The following CNTN6 variants were observed in gnomAD, a reference collection of about 807,000 sequenced individuals.
The protein encoded by CNTN6 is contactin 6, also known as contactin-6.
In CNTN6, 137 loss-of-function variants were observed where a neutral mutation model predicts 122.8. The observed-to-expected ratio is 1.12, with a 90% CI of 0.97 to 1.29. CNTN6 has a LOEUF of 1.29. Ranked by LOEUF, CNTN6 falls within the 50% of genes most tolerant of loss-of-function variation. CNTN6 has a pLI of 0.00. For missense variants in CNTN6, 1,634 were observed against 1,223.4 expected (o/e 1.34, Z -5.01); for synonymous variants, 570 against 426.0 (o/e 1.34, Z -4.16).
chr3:1,288,925 T>C lies in CNTN6; in HGVS notation c.455-6676T>C, dbSNP rs116698752. Reference sequence around the variant, plus strand: ...GCAGATCTGCCATTTCTAATAATAATAAAATTGTAGAGGACGAAGTCATTG... The same window carrying C: ...GCAGATCTGCCATTTCTAATAATAACAAAATTGTAGAGGACGAAGTCATTG... On this transcript the variant is annotated intron_variant, in intron 5 of 22. Transcript: ENST00000446702. Among the ~76,000 whole-genome samples, 429 of 152,188 alleles carry C rather than the reference T, an allele frequency of 2.8e-3. 3 individuals carry two copies. The highest frequency in any genetic ancestry group is 9.8e-3 in the African/African-American group (406 of 41,506).
chr3:1,309,885 C>T (rs12495025), intron 7 of CNTN6, among the ~76,000 whole-genome samples: 2 of 152,036 alleles, frequency 1.3e-5, no homozygotes, highest in Admixed American at 1.3e-4. Flanking sequence ...TGTTTTAGTG[C>T]TAATATAAAT....
intron 1 of CNTN6, among the ~76,000 whole-genome samples, chr3:1,135,553 A>C: frequency 6.6e-6 from 1 of 152,198 alleles, no homozygotes; most frequent in East Asian, 1.9e-4. Context: ...TCAGAACTGC[A>C]GGGTTTTACT....
At chr3:1,390,694 A>G (rs1693998356) in intron 20 of CNTN6, among the ~76,000 whole-genome samples, 1 of 152,134 alleles carries the variant, frequency 6.6e-6, no homozygotes, top group South Asian at 2.1e-4. Flanking sequence ...GAAGAATCAA[A>G]TAGACACAAT....
chr3:1,170,715 C>A (rs2093344337), intron 2 of CNTN6, among the ~76,000 whole-genome samples: 1 of 152,084 alleles, frequency 6.6e-6, no homozygotes, highest in Non-Finnish European at 1.5e-5. Context: ...TGAATTTTTT[C>A]CTCCTTCCCT....
chr3:1,370,704 C>G (rs1708887426), intron 12 of CNTN6, among the ~76,000 whole-genome samples: 1 of 151,974 alleles, frequency 6.6e-6, no homozygotes, highest in Admixed American at 6.6e-5. Flanking sequence ...AAAAATTTAC[C>G]TGGCATGGTG....
chr3:1,400,300 T>G (rs959174939), intron 20 of CNTN6, among the ~76,000 whole-genome samples: 2 of 152,050 alleles, frequency 1.3e-5, no homozygotes, highest in Non-Finnish European at 2.9e-5. Flanking sequence ...AGCAAGTTGT[T>G]CTGCAGAAAC....
intron 8 of CNTN6, among the ~76,000 whole-genome samples, chr3:1,323,310 C>T (rs1380002247): frequency 6.6e-6 from 1 of 151,712 alleles, no homozygotes; most frequent in Non-Finnish European, 1.5e-5. Flanking sequence ...AAGATCAGAA[C>T]CTTGAAATGT....
At chr3:1,294,047 T>G (rs1195011758) in intron 5 of CNTN6, among the ~76,000 whole-genome samples, 1 of 152,168 alleles carries the variant, frequency 6.6e-6, no homozygotes, top group Non-Finnish European at 1.5e-5. Flanking sequence ...AAAAAATTCT[T>G]TTGTCATTTC....
chr3:1,137,897 C>T (rs1164398901), intron 1 of CNTN6, among the ~76,000 whole-genome samples: 3 of 152,182 alleles, frequency 2.0e-5, no homozygotes, highest in Non-Finnish European at 4.4e-5. Flanking sequence ...CTGAAATTTG[C>T]TGCCCTGAAA....
chr3:1,207,063 T>C, intron 2 of CNTN6, among the ~76,000 whole-genome samples: 1 of 152,086 alleles, frequency 6.6e-6, no homozygotes, highest in African/African-American at 2.4e-5. Flanking sequence ...CATAATTATC[T>C]CCAGAACTCC....
At chr3:1,306,412 A>G (rs1180928919) in intron 7 of CNTN6, among the ~76,000 whole-genome samples, 3 of 152,198 alleles carry the variant, frequency 2.0e-5, no homozygotes, top group Admixed American at 6.5e-5. Flanking sequence ...CTTCAAGCCA[A>G]TTATTCAGAA....
At chr3:1,120,028 T>A (rs1431521679) in intron 1 of CNTN6, among the ~76,000 whole-genome samples, 3 of 152,070 alleles carry the variant, frequency 2.0e-5, no homozygotes, top group Admixed American at 1.3e-4. Flanking sequence ...ACATTGTCAG[T>A]TTCATCCATG....
At chr3:1,272,347 C>T (rs1424027876) in intron 4 of CNTN6, among the ~76,000 whole-genome samples, 1 of 152,158 alleles carries the variant, frequency 6.6e-6, no homozygotes, top group Non-Finnish European at 1.5e-5. Context: ...CAATTTCCTC[C>T]TTCGCTAAAT....
chr3:1,109,005 T>C (rs1450420209), intron 1 of CNTN6, among the ~76,000 whole-genome samples: 1 of 152,050 alleles, frequency 6.6e-6, no homozygotes, highest in East Asian at 1.9e-4. Flanking sequence ...TTTATGTGTG[T>C]TTAGTCTGTT....
At chr3:1,172,545 G>A (rs1407634479) in intron 2 of CNTN6, among the ~76,000 whole-genome samples, 3 of 152,068 alleles carry the variant, frequency 2.0e-5, no homozygotes, top group South Asian at 2.1e-4. Flanking sequence ...AGATTGTTCC[G>A]CCCACTTTAG....
intron 5 of CNTN6, among the ~76,000 whole-genome samples, 199 bp from the exon 6 acceptor site, chr3:1,295,402 T>A (rs1170781401): frequency 6.6e-6 from 1 of 152,162 alleles, no homozygotes; most frequent in Non-Finnish European, 1.5e-5. Flanking sequence ...AGTGCCCACA[T>A]AATTTATCGT....
In CNTN6 at chr3:1,281,386, G is replaced by A. The variant is rs182464148; in HGVS notation, c.454+2878G>A. ...GTGGCCAAATTATTTTTTAAATCTCGTGTGTAAGTATTAAACAAAGCTTCT... is the reference window on the plus strand; with the variant it reads ...GTGGCCAAATTATTTTTTAAATCTCATGTGTAAGTATTAAACAAAGCTTCT... On this transcript the variant is annotated intron_variant, in intron 5 of 22. Transcript: ENST00000446702. 4.3e-3 allele frequency among the ~76,000 whole-genome samples: 650 copies of A among 151,898 alleles called. 12 individuals carry two copies. Among genetic ancestry groups the A allele is most frequent in the African/African-American group, 0.015 (628 of 41,406 alleles).
At chr3:1,246,723 G>A (rs972649687) in intron 4 of CNTN6, among the ~76,000 whole-genome samples, 1 of 151,852 alleles carries the variant, frequency 6.6e-6, no homozygotes, top group African/African-American at 2.4e-5. Context: ...TTTTGCAGGG[G>A]GATAGTAAAA....
chr3:1,224,312 G>A (rs1482707533), intron 3 of CNTN6, among the ~76,000 whole-genome samples: 1 of 152,116 alleles, frequency 6.6e-6, no homozygotes. Context: ...AGGGTGAGAA[G>A]TGACCTTTAG....
Sources: allele counts gnomAD v4.1 joint callset (sites outside exome capture counted in the v4.1 genomes callset), GRCh38; gene constraint gnomAD v4.1.1; transcripts MANE v1.5; gene names NCBI Gene and HGNC (gene_info 2026-07-23, HGNC 2026-07-21).